Variants in LARGE1 observed in about 807,000 individuals in gnomAD.
The protein encoded by LARGE1 is LARGE xylosyl- and glucuronyltransferase 1.
Under a neutral mutation model 87.6 loss-of-function variants are expected in LARGE1, and 43 were observed. The observed-to-expected ratio is 0.49, with a 90% CI of 0.38 to 0.63. The LOEUF (loss-of-function observed/expected upper bound fraction) is 0.63, where lower values mean the gene tolerates loss of function less well. LARGE1 is among the 30% of genes least tolerant of loss of function. The pLI, the probability that LARGE1 is intolerant of heterozygous loss-of-function variation, is 0.00. For missense variants in LARGE1, 802 were observed against 1,000.2 expected, an observed-to-expected ratio of 0.80 and a Z score of 2.67; for synonymous variants, 434 against 394.6, an observed-to-expected ratio of 1.10 and a Z score of -1.18.
At chr22:33,524,277 T>G (rs1306660323) in intron 6 of LARGE1, among the ~76,000 whole-genome samples, 1 of 110,628 alleles carries the variant, frequency 9.0e-6, no homozygotes, top group Non-Finnish European at 1.9e-5. Flanking sequence ...GGCAACAGAG[T>G]GAGACTCCCC....
intron 6 of LARGE1, among the ~76,000 whole-genome samples, chr22:33,536,352 T>A (rs912152053): frequency 2.0e-5 from 3 of 152,240 alleles, no homozygotes; most frequent in African/African-American, 7.2e-5. Context: ...AATCTCTCTC[T>A]ACAAATGGCC....
At chr22:33,766,180 A>T (rs1164441655) in intron 1 of LARGE1, among the ~76,000 whole-genome samples, 1 of 152,166 alleles carries the variant, frequency 6.6e-6, no homozygotes, top group African/African-American at 2.4e-5. Context: ...TAACTGGGAA[A>T]ACCAGCCTCT....
In LARGE1 at chr22:33,585,729, TCACA is replaced by T. The variant is rs1489052552; in HGVS notation, c.615+18702_615+18705del. Among the ~76,000 whole-genome samples, 5 of 152,280 alleles carry T rather than the reference TCACA, an allele frequency of 3.3e-5. No homozygotes were observed. The East Asian group carries it at 7.7e-4, about 23-fold the overall frequency. ...CACTTTACTCAGGTTATATATTAGA[TCACA>T]ACATAAAAGATCAGGAAACTGATCA... On this transcript the variant is annotated intron_variant, in intron 5 of 14. Coordinates refer to ENST00000397394, the MANE Select transcript of LARGE1 (RefSeq NM_133642.5).
intron 11 of LARGE1, among the ~76,000 whole-genome samples, chr22:33,266,427 T>C (rs1423954722): frequency 6.6e-6 from 1 of 151,462 alleles, no homozygotes; most frequent in Non-Finnish European, 1.5e-5. Context: ...TTTCACCATG[T>C]TGGTCAGGAT....
intron 6 of LARGE1, among the ~76,000 whole-genome samples, chr22:33,512,466 A>C (rs1475081791): frequency 6.6e-6 from 1 of 152,148 alleles, no homozygotes; most frequent in Non-Finnish European, 1.5e-5. Flanking sequence ...GGAAAACAAC[A>C]GTCTTTAAAA....
chr22:33,462,774 C>CT (rs1428569504), intron 6 of LARGE1, among the ~76,000 whole-genome samples: 3 of 152,238 alleles, frequency 2.0e-5, no homozygotes, highest in East Asian at 1.9e-4. Flanking sequence ...GAGCAAGACT[C>CT]TGTCTCAAAA....
At chr22:33,774,331 TAG>T (rs150122686) in intron 1 of LARGE1, among the ~76,000 whole-genome samples, 4,735 of 152,146 alleles carry the variant, frequency 0.031, 223 homozygotes, top group African/African-American at 0.11. Context: ...TTAAAAAAAA[TAG>T]GAGACGTTAA....
chr22:33,499,516 T>A (rs561568085), intron 6 of LARGE1, among the ~76,000 whole-genome samples: 44 of 152,286 alleles, frequency 2.9e-4, no homozygotes, highest in African/African-American at 1.0e-3. Flanking sequence ...ATGGAAATCA[T>A]CCACTACCAA....
At chr22:33,331,495 C>A (rs900913052) in intron 10 of LARGE1, among the ~76,000 whole-genome samples, 7 of 151,308 alleles carry the variant, frequency 4.6e-5, no homozygotes, top group African/African-American at 1.5e-4. Flanking sequence ...GCATCCTCTG[C>A]CTCCCAGGTT....
At chr22:33,218,088 C>A (rs1925292658) in intron 11 of LARGE1, among the ~76,000 whole-genome samples, 3 of 152,020 alleles carry the variant, frequency 2.0e-5, no homozygotes, top group African/African-American at 7.3e-5. Context: ...TGCCACCATG[C>A]CCAGCTAATC....
At chr22:33,406,511 C>T (rs984538176) in intron 7 of LARGE1, among the ~76,000 whole-genome samples, 5 of 152,034 alleles carry the variant, frequency 3.3e-5, no homozygotes, top group African/African-American at 9.7e-5. Flanking sequence ...TTGACTTGAA[C>T]GCACACACCC....
At chr22:33,579,768 C>T (rs2078459679) in intron 5 of LARGE1, among the ~76,000 whole-genome samples, 1 of 152,098 alleles carries the variant, frequency 6.6e-6, no homozygotes, top group African/African-American at 2.4e-5. Context: ...TTTTGTGTTA[C>T]CAACAGTACC....
intron 2 of LARGE1, among the ~76,000 whole-genome samples, chr22:33,758,141 C>T (rs1042331457): frequency 4.6e-5 from 7 of 152,210 alleles, no homozygotes; most frequent in African/African-American, 1.7e-4. Flanking sequence ...CCACGTCCCT[C>T]CATAGGTTTG....
chr22:33,311,457 A>C (rs1490399006), intron 11 of LARGE1, among the ~76,000 whole-genome samples: 1 of 152,268 alleles, frequency 6.6e-6, no homozygotes, highest in Non-Finnish European at 1.5e-5. Context: ...CAAATTCTAT[A>C]GCCAGCAGAG....
chr22:33,918,102 A>G (rs2065839844), intron 1 of LARGE1, among the ~76,000 whole-genome samples: 1 of 152,242 alleles, frequency 6.6e-6, no homozygotes, highest in Non-Finnish European at 1.5e-5. Flanking sequence ...AACCTTCGTC[A>G]CAACCTTCCC....
chr22:33,621,620 C>T (rs1236217022), intron 4 of LARGE1, among the ~76,000 whole-genome samples: 2 of 152,130 alleles, frequency 1.3e-5, no homozygotes, highest in East Asian at 3.8e-4. Context: ...TATTTTATAA[C>T]CATGTATTAG....
In LARGE1 at chr22:33,419,836, G is replaced by A. The variant is rs150304851; in HGVS notation, c.892+12325C>T. 7.4e-3 allele frequency among the ~76,000 whole-genome samples: 1,126 copies of A among 151,884 alleles called. 5 individuals are homozygous for A. The highest frequency in any genetic ancestry group is 0.01 in the Non-Finnish European group (689 of 67,982). On this transcript the variant is annotated intron_variant, in intron 7 of 14. Coordinates refer to ENST00000397394, the MANE Select transcript of LARGE1 (RefSeq NM_133642.5). The stretch of plus-strand genomic sequence containing the variant: ...CTCCCAAATAGCTGGGATTACAGGC[G>A]CCTACCACCATCACACCCAGCTAAT...
rs542102711 is a variant in LARGE1 at position 33,561,649 on chromosome 22, C to T, written c.787+3199G>A. Among the ~76,000 whole-genome samples the T allele has an allele frequency of 2.4e-4, 37 of 152,218 alleles. 1 individual carries two copies. The highest frequency in any genetic ancestry group is 3.4e-3 in the Middle Eastern group (1 of 294). ...TAGAAGGAGCTCAGTAAATATTGAC[C>T]GAATGGGTGGCTCCTGACCCTGGCC... On this transcript the variant is annotated intron_variant, in intron 6 of 14. Coordinates refer to ENST00000397394, the MANE Select transcript of LARGE1 (RefSeq NM_133642.5).
chr22:33,333,696 C>T (rs1304935907), intron 10 of LARGE1, among the ~76,000 whole-genome samples: 2 of 152,152 alleles, frequency 1.3e-5, no homozygotes, highest in South Asian at 2.1e-4. Context: ...TATGTTAGGA[C>T]GGAGAACCTC....
Sources: allele counts gnomAD v4.1 joint callset (sites outside exome capture counted in the v4.1 genomes callset), GRCh38; gene constraint gnomAD v4.1.1; transcripts MANE v1.5; gene names NCBI Gene and HGNC (gene_info 2026-07-23, HGNC 2026-07-21).